SULT2B1: variants seen among roughly 807,000 people sequenced by gnomAD.
SULT2B1 encodes the protein sulfotransferase family 2B member 1, also known as sulfotransferase 2B1.
SULT2B1 carries 16 observed loss-of-function variants against 33.2 expected under a neutral mutation model. The ratio of observed to expected loss-of-function variants is 0.48; its 90% CI spans 0.33 to 0.73. The LOEUF (loss-of-function observed/expected upper bound fraction) is 0.73. Ranked by LOEUF, SULT2B1 falls within the 30% of genes least tolerant of loss-of-function variation. The probability of loss-of-function intolerance (pLI) is 0.02; values close to 1 mark genes in which losing one functional copy is unlikely to be tolerated. For missense variants in SULT2B1, 500 were observed against 506.0 expected (o/e 0.99, Z 0.11); for synonymous variants, 186 against 200.5 (o/e 0.93, Z 0.61).
intron 3 of SULT2B1, among the ~76,000 whole-genome samples, chr19:48,589,205 G>A (rs1220033737): frequency 6.6e-6 from 1 of 152,154 alleles, no homozygotes; most frequent in Non-Finnish European, 1.5e-5. Flanking sequence ...GGTGAGACCG[G>A]GAGGATTTGC....
intron 1 of SULT2B1, among the ~76,000 whole-genome samples, chr19:48,575,252 G>A (rs1327173831): frequency 6.6e-6 from 1 of 150,436 alleles, no homozygotes; most frequent in East Asian, 2.0e-4. Context: ...GGGATTGCAG[G>A]TGCCCACCAC....
intron 3 of SULT2B1, among the ~76,000 whole-genome samples, chr19:48,587,890 CAAAAAAAAAAAAAAAAAAAAA>C (rs67551728): frequency 2.5e-5 from 1 of 39,882 alleles, no homozygotes; most frequent in African/African-American, 1.1e-4. Context: ...AAGACTGTCT[CAAAAAAAAAAAAAAAAAAAAA>C]AAAAAAAAAA....
rs555159853 is a variant in SULT2B1, at chr19:48,590,588, C to T, written c.424-1021C>T. ...CTGCACTCCAGCCTGGGAGACACAG[C>T]GAGACTTCGTCTAAAACAAAACAAA... On this transcript the variant is annotated intron_variant, in intron 3 of 6. Transcript: ENST00000201586. 1.2e-3 allele frequency among the ~76,000 whole-genome samples: 182 copies of T among 152,078 alleles called. 1 individual carries two copies. The highest frequency in any genetic ancestry group is 4.2e-3 in the African/African-American group (173 of 41,540).
chr19:48,579,571 C>G (rs979440522), intron 2 of SULT2B1, among the ~76,000 whole-genome samples: 1 of 144,030 alleles, frequency 6.9e-6, no homozygotes, highest in Non-Finnish European at 1.5e-5. Flanking sequence ...CACGAGCCAC[C>G]GCGCCCGGCC....
At chr19:48,566,993 A>T (rs1022677233) in intron 1 of SULT2B1, among the ~76,000 whole-genome samples, 2 of 151,374 alleles carry the variant, frequency 1.3e-5, no homozygotes, top group Non-Finnish European at 2.9e-5. Context: ...ATAGAGCAAG[A>T]CTCTGTTTTA....
intron 1 of SULT2B1, among the ~76,000 whole-genome samples, chr19:48,561,459 T>A (rs117069332): frequency 1.1e-4 from 15 of 135,206 alleles, no homozygotes; most frequent in Non-Finnish European, 6.8e-5. Flanking sequence ...ATAGATAAAA[T>A]AAATAAATTA....
chr19:48,586,725 A>G (rs1424795006), intron 2 of SULT2B1, among the ~76,000 whole-genome samples: 1 of 152,216 alleles, frequency 6.6e-6, no homozygotes, highest in Non-Finnish European at 1.5e-5. Context: ...TGTAAGGCTC[A>G]GTTTCTGGCT....
intron 1 of SULT2B1, among the ~76,000 whole-genome samples, chr19:48,566,240 T>C (rs1183102841): frequency 6.6e-6 from 1 of 151,952 alleles, no homozygotes; most frequent in Non-Finnish European, 1.5e-5. Flanking sequence ...TTTATTGTTA[T>C]TTGTAGAGAC....
chr19:48,554,280 A>G (rs530831451), intron 1 of SULT2B1, among the ~76,000 whole-genome samples: 2 of 114,068 alleles, frequency 1.8e-5, no homozygotes, highest in Middle Eastern at 4.1e-3. Flanking sequence ...CCCCTCCCAG[A>G]CCCCCTCAGA....
At chr19:48,558,765 A>G (rs1323741849) in intron 1 of SULT2B1, among the ~76,000 whole-genome samples, 4 of 146,760 alleles carry the variant, frequency 2.7e-5, no homozygotes, top group East Asian at 2.0e-4. Flanking sequence ...GCTGACTGCA[A>G]CAGCCGCCTC....
At chr19:48,568,627 G>A (rs933723891) in intron 1 of SULT2B1, among the ~76,000 whole-genome samples, 4 of 152,192 alleles carry the variant, frequency 2.6e-5, no homozygotes, top group Non-Finnish European at 5.9e-5. Context: ...CAGAGGCAGG[G>A]CAGGGCGCCG....
At chr19:48,558,108 T>C (rs1319820907) in intron 1 of SULT2B1, among the ~76,000 whole-genome samples, 1 of 152,072 alleles carries the variant, frequency 6.6e-6, no homozygotes, top group Non-Finnish European at 1.5e-5. Flanking sequence ...ATCTAATCCT[T>C]ACAGCCGTCG....
At chr19:48,587,779 G>C (rs536253634) in intron 3 of SULT2B1, among the ~76,000 whole-genome samples, 2 of 151,046 alleles carry the variant, frequency 1.3e-5, no homozygotes, top group Admixed American at 6.7e-5. Flanking sequence ...TGTAGTCCCA[G>C]CTACTTGGAA....
At chr19:48,587,502 G>A (rs574763164) in intron 3 of SULT2B1, 65 bp downstream of exon 3, 102 of 1,545,150 alleles carry the variant, frequency 6.6e-5, no homozygotes, top group African/African-American at 3.0e-4. Flanking sequence ...ATGGGGGGAC[G>A]GAGCATAACT....
At chr19:48,590,020 C>T (rs888828638) in intron 3 of SULT2B1, among the ~76,000 whole-genome samples, 1 of 151,964 alleles carries the variant, frequency 6.6e-6, no homozygotes, top group Non-Finnish European at 1.5e-5. Context: ...CCTCTTGTTG[C>T]CCAGGCTGGA....
rs202054750 is a variant in SULT2B1, at chr19:48,576,130, G to T, written c.214+47G>T. On this transcript the variant is annotated intron_variant, in intron 2 of 6. Coordinates refer to ENST00000201586, the MANE Select transcript of SULT2B1 (RefSeq NM_177973.2). ...TCGGGGGCTGGGGAGAGTGGGGAGG[G>T]GGTGCGGCAGAGGACAGGAAAGGCA... The T allele has an allele frequency of 3.3e-6, 5 of 1,494,756 alleles. No homozygotes were observed. The East Asian group carries it at 1.1e-4, about 34-fold the overall frequency. The allele number at this position is 1,494,756 out of a possible 1,614,324, so 92.6% of individuals were successfully genotyped here.
chr19:48,556,640 G>A (rs1244836958), intron 1 of SULT2B1, among the ~76,000 whole-genome samples: 2 of 150,378 alleles, frequency 1.3e-5, no homozygotes, highest in Non-Finnish European at 1.5e-5. Flanking sequence ...CAGAATACAC[G>A]CATATGTGAT....
chr19:48,576,148 GA>G, intron 2 of SULT2B1, 65 bp downstream of exon 2: 1 of 1,408,706 alleles, frequency 7.1e-7, no homozygotes, highest in Non-Finnish European at 9.8e-7. Context: ...CAGAGGACAG[GA>G]AAGGCACATA....
chr19:48,592,801 C>T lies in SULT2B1; in HGVS notation c.630C>T (p.Tyr210=), dbSNP rs145052061. The T allele has an allele frequency of 5.3e-5, 83 of 1,573,822 alleles. No homozygotes were observed. The African/African-American group carries it at 1.0e-3, about 19-fold the overall frequency. The change falls in exon 5 of 7, where the codon TAC becomes TAT. Residue 210 remains tyrosine, a synonymous_variant. Coordinates refer to ENST00000201586, the MANE Select transcript of SULT2B1 (RefSeq NM_177973.2). ...AAGACAACTTCCTATTTATCACCTACGAGGAGCTGCAGCAGGTGAGTCCCC... is the reference window on the plus strand; with the variant it reads ...AAGACAACTTCCTATTTATCACCTATGAGGAGCTGCAGCAGGTGAGTCCCC... ...KGKDNFLFIT[Y]EELQQDLQGS...
Sources: allele counts gnomAD v4.1 joint callset (sites outside exome capture counted in the v4.1 genomes callset), GRCh38; gene constraint gnomAD v4.1.1; transcripts MANE v1.5; gene names NCBI Gene and HGNC (gene_info 2026-07-23, HGNC 2026-07-21).